The following SKIL variants were observed in gnomAD, a reference collection of about 807,000 sequenced individuals.
The protein encoded by SKIL is SKI like proto-oncogene, also known as ski-like protein.
Under a neutral mutation model 69.6 loss-of-function variants are expected in SKIL, and 20 were observed. The ratio of observed to expected loss-of-function variants is 0.29; its 90% CI spans 0.20 to 0.42. SKIL has a LOEUF of 0.42. Ranked by LOEUF, SKIL falls within the 10% of genes least tolerant of loss-of-function variation. The probability of loss-of-function intolerance (pLI) is 1.00; values close to 1 mark genes in which losing one functional copy is unlikely to be tolerated. For synonymous variants in SKIL, 310 were observed against 279.9 expected (o/e 1.11, Z -1.08); for missense variants, 745 against 783.1 (o/e 0.95, Z 0.58).
At chr3:170,364,475 C>G (rs901865658) in intron 2 of SKIL, among the ~76,000 whole-genome samples, 1 of 151,990 alleles carries the variant, frequency 6.6e-6, no homozygotes, top group Non-Finnish European at 1.5e-5. Flanking sequence ...AGGTGCCCAC[C>G]ACCATGCCTA....
At chr3:170,377,829 C>T (rs1737109849) in intron 2 of SKIL, among the ~76,000 whole-genome samples, 1 of 151,098 alleles carries the variant, frequency 6.6e-6, no homozygotes, top group African/African-American at 2.4e-5. Flanking sequence ...GCTGGGATTA[C>T]AGGTGTGAGC....
chr3:170,386,094 C>G (rs1403103350), intron 4 of SKIL, among the ~76,000 whole-genome samples: 2 of 150,618 alleles, frequency 1.3e-5, no homozygotes, highest in Non-Finnish European at 3.0e-5. Flanking sequence ...CCACGCCTGG[C>G]TGATTCTTGG....
chr3:170,380,658 A>T (rs1431906391), intron 2 of SKIL, among the ~76,000 whole-genome samples: 20 of 151,960 alleles, frequency 1.3e-4, no homozygotes, highest in African/African-American at 4.6e-4. Flanking sequence ...AAAAAAAAAA[A>T]TAAATAAATA....
In SKIL at chr3:170,360,962, CTTCCA is replaced by C; in HGVS notation, c.635_639del (p.Pro212GlnfsTer12). The C allele has an allele frequency of 6.2e-7, 1 of 1,614,128 alleles. No homozygotes were observed. On this transcript the variant is annotated frameshift_variant, in exon 2 of 7. Coordinates refer to ENST00000259119, the MANE Select transcript of SKIL (RefSeq NM_005414.5). LOFTEE classifies it high-confidence loss of function. ...TCATATCTTAAAGGTACTGGGCATA[CTTCCA>C]TTCAATGCCCCATCCTGTGGGCTGA... is the stretch of plus-strand genomic sequence containing the variant.
intron 2 of SKIL, among the ~76,000 whole-genome samples, chr3:170,374,906 A>T (rs541446239): frequency 1.3e-5 from 2 of 152,184 alleles, no homozygotes; most frequent in Admixed American, 1.3e-4. Flanking sequence ...GAGTAGAGGG[A>T]TATCAAACGT....
rs1035618214 is a variant in SKIL, at chr3:170,395,878, A to G, written c.*3461A>G. Reference sequence around the variant, plus strand: ...AGCTGTCAGCAATAAGGGACATAAAACTGCTGTATTATACATTGTGGAATT... The same window carrying G: ...AGCTGTCAGCAATAAGGGACATAAAGCTGCTGTATTATACATTGTGGAATT... On this transcript the variant is annotated 3_prime_UTR_variant, in exon 7 of 7. Transcript: ENST00000259119. The G allele has an allele frequency of 1.1e-4, 16 of 151,542 alleles. No homozygotes were observed. Among genetic ancestry groups the G allele is most frequent in the Non-Finnish European group, 1.8e-4 (12 of 67,818 alleles). The allele number at this position is 151,542 out of a possible 1,614,324, so 9.4% of individuals were successfully genotyped here.
rs1478636415 is a variant in SKIL, at chr3:170,359,708, A to G, written c.-624A>G. 6.6e-6 allele frequency: 1 copy of G among 152,256 alleles called. No homozygotes were observed. The highest frequency in any genetic ancestry group is 2.4e-5 in the African/African-American group (1 of 41,458). 9.4% of individuals were successfully genotyped at this position (152,256 alleles called of 1,614,324 possible). The stretch of plus-strand genomic sequence containing the variant: ...CCTTCTCTTCTTCCAGATTAATTAA[A>G]AGAAGAATGAACTATAATCCTTGAA... On this transcript the variant is annotated 5_prime_UTR_variant, in exon 2 of 7. Coordinates refer to ENST00000259119, the MANE Select transcript of SKIL (RefSeq NM_005414.5).
chr3:170,364,945 A>C (rs1183540511), intron 2 of SKIL, among the ~76,000 whole-genome samples: 1 of 152,122 alleles, frequency 6.6e-6, no homozygotes, highest in Non-Finnish European at 1.5e-5. Context: ...TTTGTGGTGT[A>C]TTTTGATATT....
rs1369992214 is a variant in SKIL, at chr3:170,395,201, A to T, written c.*2784A>T. 6.6e-6 allele frequency: 1 copy of T among 152,122 alleles called. No individual in the cohort carries two copies. Among genetic ancestry groups the T allele is most frequent in the African/African-American group, 2.4e-5 (1 of 41,418 alleles). 9.4% of individuals were successfully genotyped at this position (152,122 alleles called of 1,614,324 possible). On this transcript the variant is annotated 3_prime_UTR_variant, in exon 7 of 7. Coordinates refer to ENST00000259119, the MANE Select transcript of SKIL (RefSeq NM_005414.5). ...GTGTACCTACTCTATAAAGGTAATAAATGTAAAACCTCTTGCTGTTATTGA... is the reference window on the plus strand; with the variant it reads ...GTGTACCTACTCTATAAAGGTAATATATGTAAAACCTCTTGCTGTTATTGA...
chr3:170,383,679 G>A (rs987481837), intron 3 of SKIL, among the ~76,000 whole-genome samples: 1 of 152,142 alleles, frequency 6.6e-6, no homozygotes, highest in African/African-American at 2.4e-5. Context: ...AGTGGGGTTT[G>A]ATACAAGAAC....
intron 6 of SKIL, among the ~76,000 whole-genome samples, chr3:170,391,984 A>G (rs547266387): frequency 6.6e-6 from 1 of 152,354 alleles, no homozygotes; most frequent in African/African-American, 2.4e-5. Context: ...ACAAATAACT[A>G]ACATGAGCAG....
intron 2 of SKIL, among the ~76,000 whole-genome samples, chr3:170,371,573 A>G (rs934503139): frequency 1.3e-5 from 2 of 152,196 alleles, no homozygotes; most frequent in African/African-American, 4.8e-5. Context: ...ATTTTAAGAC[A>G]GTTCATTTAG....
rs1243189410 is a variant in SKIL at position 170,360,265 on chromosome 3, C to G, written c.-67C>G. The G allele has an allele frequency of 7.0e-7, 1 of 1,425,742 alleles. No individual in the cohort carries two copies. Among genetic ancestry groups the G allele is most frequent in the Non-Finnish European group, 9.4e-7 (1 of 1,058,548 alleles). 88.3% of individuals were successfully genotyped at this position (1,425,742 alleles called of 1,614,324 possible). On this transcript the variant is annotated 5_prime_UTR_variant, in exon 2 of 7. Coordinates refer to ENST00000259119, the MANE Select transcript of SKIL (RefSeq NM_005414.5). ...ATTTGTATCCATTCATTACTTTCCTCTTTTCAAATAAGCAACTAAATAGAA... is the reference window on the plus strand; with the variant it reads ...ATTTGTATCCATTCATTACTTTCCTGTTTTCAAATAAGCAACTAAATAGAA...
intron 2 of SKIL, among the ~76,000 whole-genome samples, chr3:170,368,101 A>C (rs1393911946): frequency 1.3e-5 from 2 of 152,228 alleles, no homozygotes; most frequent in Non-Finnish European, 2.9e-5. Context: ...GGAACAGTAG[A>C]ATGGGCAACT....
chr3:170,368,471 CT>C (rs1414976242), intron 2 of SKIL, among the ~76,000 whole-genome samples: 1 of 152,012 alleles, frequency 6.6e-6, no homozygotes, highest in Non-Finnish European at 1.5e-5. Flanking sequence ...TTTGGATTTT[CT>C]TTTAAAGATG....
chr3:170,382,891 G>C (rs1577437108), intron 3 of SKIL, among the ~76,000 whole-genome samples: 1 of 151,582 alleles, frequency 6.6e-6, no homozygotes. Context: ...GCTAATTTTT[G>C]TATTTTTAGA....
intron 6 of SKIL, 102 bp from the exon 7 acceptor site, chr3:170,392,157 C>A (rs955246769): frequency 1.0e-5 from 9 of 893,254 alleles, no homozygotes; most frequent in South Asian, 5.7e-5. Flanking sequence ...TGAAATAGTT[C>A]GTTTTGTAAA....
intron 1 of SKIL, among the ~76,000 whole-genome samples, chr3:170,358,084 C>G (rs1248169878): frequency 6.6e-6 from 1 of 152,154 alleles, no homozygotes; most frequent in African/African-American, 2.4e-5. Flanking sequence ...TCACCGCCCC[C>G]CTCCCCCAGT....
chr3:170,375,296 A>G (rs7621969), intron 2 of SKIL, among the ~76,000 whole-genome samples: 2,631 of 152,350 alleles, frequency 0.017, 54 homozygotes, highest in East Asian at 0.093. Flanking sequence ...CTGTTTAAAA[A>G]TAAAGGAATG....
Sources: allele counts gnomAD v4.1 joint callset (sites outside exome capture counted in the v4.1 genomes callset), GRCh38; gene constraint gnomAD v4.1.1; transcripts MANE v1.5; gene names NCBI Gene and HGNC (gene_info 2026-07-23, HGNC 2026-07-21).